Variants in PTPRT observed in about 807,000 individuals in gnomAD.
PTPRT encodes the protein protein tyrosine phosphatase receptor type T.
PTPRT carries 56 observed loss-of-function variants against 176.8 expected under a neutral mutation model. The observed-to-expected ratio is 0.32, with a 90% CI of 0.26 to 0.40. PTPRT has a LOEUF of 0.40. PTPRT is among the 10% of genes least tolerant of loss of function. The probability of loss-of-function intolerance (pLI) is 1.00; values close to 1 mark genes in which losing one functional copy is unlikely to be tolerated. For synonymous variants in PTPRT, 783 were observed against 739.0 expected, an observed-to-expected ratio of 1.06 and a Z score of -0.96; for missense variants, 1,540 against 1,908.2, an observed-to-expected ratio of 0.81 and a Z score of 3.60.
At chr20:43,066,086 A>G (rs2011109455) in intron 1 of PTPRT, among the ~76,000 whole-genome samples, 1 of 152,196 alleles carries the variant, frequency 6.6e-6, no homozygotes, top group East Asian at 1.9e-4. Flanking sequence ...TCCAGAAACC[A>G]TGTCTTCCAC....
chr20:42,699,078 A>G (rs980248724), intron 6 of PTPRT, among the ~76,000 whole-genome samples: 1 of 152,200 alleles, frequency 6.6e-6, no homozygotes, highest in African/African-American at 2.4e-5. Context: ...TTTTCTTTGC[A>G]AACAACCTAA....
chr20:42,107,060 A>C, intron 23 of PTPRT, 139 bp from the exon 24 acceptor site: 1 of 1,139,062 alleles, frequency 8.8e-7, no homozygotes, highest in Non-Finnish European at 1.2e-6. Context: ...CTTTCTTAAT[A>C]TGTATAGTTT....
chr20:42,973,196 C>A (rs929020212), intron 1 of PTPRT, among the ~76,000 whole-genome samples: 1 of 151,850 alleles, frequency 6.6e-6, no homozygotes, highest in Non-Finnish European at 1.5e-5. Flanking sequence ...AATGAGGAAT[C>A]GTGGATACCA....
At position 42,448,371 on chromosome 20, in the gene PTPRT, A is replaced by G. The variant is rs768386938; in HGVS notation, c.1451-42T>C. ...TTATGAACTTGATGTCACCTTCCAC[A>G]TCATTTCTCCAGCCCCGCTGACCTA... On this transcript the variant is annotated intron_variant, in intron 8 of 30. Coordinates refer to ENST00000373187, the MANE Select transcript of PTPRT (RefSeq NM_007050.6). 1.2e-5 allele frequency: 17 copies of G among 1,452,852 alleles called. No individual in the cohort carries two copies. The African/African-American group carries it at 1.8e-4, about 16-fold the overall frequency. 90.0% of individuals were successfully genotyped at this position (1,452,852 alleles called of 1,614,324 possible).
At chr20:42,127,417 TCA>T (rs958836373) in intron 19 of PTPRT, among the ~76,000 whole-genome samples, 1 of 150,986 alleles carries the variant, frequency 6.6e-6, no homozygotes, top group East Asian at 1.9e-4. Context: ...TCTCTCTCTC[TCA>T]CACACACACA....
chr20:42,670,898 C>T (rs1315892168), intron 7 of PTPRT, among the ~76,000 whole-genome samples: 3 of 152,162 alleles, frequency 2.0e-5, no homozygotes, highest in Non-Finnish European at 4.4e-5. Flanking sequence ...GGCTGAAGAC[C>T]TGTTTTTGAG....
chr20:43,063,618 C>G (rs1987559046), intron 1 of PTPRT: 1 of 152,250 alleles, frequency 6.6e-6, no homozygotes, highest in Admixed American at 6.5e-5. Flanking sequence ...TGCTCTCGGT[C>G]TTAGCACAGA....
intron 2 of PTPRT, among the ~76,000 whole-genome samples, chr20:42,843,856 C>T (rs185671130): frequency 6.6e-6 from 1 of 152,330 alleles, no homozygotes; most frequent in African/African-American, 2.4e-5. Context: ...AAGCACATCA[C>T]CTTCCTTAGG....
intron 9 of PTPRT, among the ~76,000 whole-genome samples, chr20:42,390,997 T>C (rs1346760329): frequency 6.6e-6 from 1 of 152,202 alleles, no homozygotes; most frequent in Non-Finnish European, 1.5e-5. Context: ...GTTACTTAGG[T>C]CTTTTCATTG....
chr20:42,623,085 T>A (rs2074228585), intron 7 of PTPRT, among the ~76,000 whole-genome samples: 1 of 152,128 alleles, frequency 6.6e-6, no homozygotes, highest in Admixed American at 6.5e-5. Flanking sequence ...TAGCTCCCCA[T>A]CCATCCCACG....
intron 6 of PTPRT, among the ~76,000 whole-genome samples, chr20:42,696,458 ATT>A (rs3091864): frequency 6.0e-5 from 5 of 83,392 alleles, no homozygotes; most frequent in Admixed American, 2.3e-4. Context: ...CACATGAATT[ATT>A]TTTTTTTTTT....
chr20:42,184,541 C>CTCT (rs1385842092), intron 16 of PTPRT, among the ~76,000 whole-genome samples: 1,111 of 91,602 alleles, frequency 0.012, 44 homozygotes, highest in African/African-American at 0.029. Flanking sequence ...CTTCCTCTTC[C>CTCT]TCTTCTTCTT....
intron 7 of PTPRT, among the ~76,000 whole-genome samples, chr20:42,602,704 T>C (rs1299469902): frequency 6.6e-6 from 1 of 152,094 alleles, no homozygotes; most frequent in Non-Finnish European, 1.5e-5. Flanking sequence ...TATGCTCCTC[T>C]TTCATGAAGC....
intron 7 of PTPRT, among the ~76,000 whole-genome samples, chr20:42,510,940 G>A (rs1035349131): frequency 6.6e-6 from 1 of 152,144 alleles, no homozygotes; most frequent in Non-Finnish European, 1.5e-5. Context: ...TGAGAGGCGG[G>A]CCTTTAAGAA....
At chr20:42,734,966 G>A (rs968643613) in intron 6 of PTPRT, among the ~76,000 whole-genome samples, 2 of 152,240 alleles carry the variant, frequency 1.3e-5, no homozygotes, top group Non-Finnish European at 2.9e-5. Context: ...AGCCAATCAG[G>A]AAGTGTACTC....
intron 1 of PTPRT, among the ~76,000 whole-genome samples, chr20:42,902,617 C>G (rs2079421036): frequency 6.6e-6 from 1 of 152,190 alleles, no homozygotes; most frequent in African/African-American, 2.4e-5. Context: ...AGGTACTTTC[C>G]AACCACTGCC....
rs6065435 is a variant in PTPRT at position 42,106,244 on chromosome 20, T to C, written c.3390+542A>G. 1.7e-3 allele frequency among the ~76,000 whole-genome samples: 261 copies of C among 152,294 alleles called. 2 individuals carry two copies. The highest frequency in any genetic ancestry group is 2.8e-3 in the Admixed American group (43 of 15,310). Reference sequence around the variant, plus strand: ...AATAAAGATTAATTCCTTTCAATACTCTTAGGTTTGGGCTCTCCAACTGCA... The same window carrying C: ...AATAAAGATTAATTCCTTTCAATACCCTTAGGTTTGGGCTCTCCAACTGCA... On this transcript the variant is annotated intron_variant, in intron 24 of 30. Coordinates refer to ENST00000373187, the MANE Select transcript of PTPRT (RefSeq NM_007050.6).
At chr20:42,698,852 C>CATGAATGA (rs3092082) in intron 6 of PTPRT, among the ~76,000 whole-genome samples, 5,411 of 151,512 alleles carry the variant, frequency 0.036, 350 homozygotes, top group African/African-American at 0.12. Flanking sequence ...TGAATGCATA[C>CATGAATGA]ATGAATGAAT....
rs574122534 is a variant in PTPRT, at chr20:42,667,856, G to A, written c.1153+10010C>T. Among the ~76,000 whole-genome samples the A allele has an allele frequency of 3.9e-5, 6 of 152,288 alleles. No homozygotes were observed. In the East Asian group the frequency reaches 1.2e-3, roughly 29 times the overall value. ...CTTTTAAAGGAAGGCTTGGAGTGAAGGGCACGCAGGGGAGAGGGCGAGGAA... is the reference window on the plus strand; with the variant it reads ...CTTTTAAAGGAAGGCTTGGAGTGAAAGGCACGCAGGGGAGAGGGCGAGGAA... On this transcript the variant is annotated intron_variant, in intron 7 of 30. Coordinates refer to ENST00000373187, the MANE Select transcript of PTPRT (RefSeq NM_007050.6).
Sources: allele counts gnomAD v4.1 joint callset (sites outside exome capture counted in the v4.1 genomes callset), GRCh38; gene constraint gnomAD v4.1.1; transcripts MANE v1.5; gene names NCBI Gene and HGNC (gene_info 2026-07-23, HGNC 2026-07-21).